The following LMO7 variants were observed in gnomAD, a reference collection of about 807,000 sequenced individuals.
LMO7 encodes the protein LIM domain 7.
Under a neutral mutation model 206.5 loss-of-function variants are expected in LMO7, and 120 were observed. The ratio of observed to expected loss-of-function variants is 0.58; its 90% CI spans 0.50 to 0.68. The LOEUF is 0.68. Among genes scored for constraint, LMO7 ranks in the 30% least tolerant of loss-of-function variants. LMO7 has a pLI of 0.00. For missense variants in LMO7, 1,959 were observed against 1,957.9 expected, an observed-to-expected ratio of 1.00 and a Z score of -0.01; for synonymous variants, 706 against 681.5, an observed-to-expected ratio of 1.04 and a Z score of -0.56.
At chr13:75,718,000 T>C (rs2043697871) in intron 2 of LMO7, among the ~76,000 whole-genome samples, 1 of 152,234 alleles carries the variant, frequency 6.6e-6, no homozygotes, top group African/African-American at 2.4e-5. Flanking sequence ...GTTTCCATGT[T>C]ATGTGATAGC....
intron 14 of LMO7, among the ~76,000 whole-genome samples, chr13:75,822,111 C>T (rs912598909): frequency 6.6e-6 from 1 of 152,060 alleles, no homozygotes; most frequent in Admixed American, 6.6e-5. Flanking sequence ...CTACTAGTGT[C>T]AGGATTTTGA....
intron 1 of LMO7, among the ~76,000 whole-genome samples, chr13:75,664,762 T>C (rs1243059616): frequency 6.6e-6 from 1 of 152,248 alleles, no homozygotes; most frequent in Admixed American, 6.5e-5. Context: ...TAGTTTTGTC[T>C]TGCGAGTTTG....
intron 3 of LMO7, among the ~76,000 whole-genome samples, chr13:75,728,341 T>C (rs752042919): frequency 2.0e-5 from 3 of 152,232 alleles, no homozygotes; most frequent in Non-Finnish European, 2.9e-5. Flanking sequence ...TGGTATCTCA[T>C]TGTGGTTTTG....
chr13:75,678,859 T>G (rs764650440), intron 1 of LMO7, among the ~76,000 whole-genome samples: 1 of 152,232 alleles, frequency 6.6e-6, no homozygotes, highest in African/African-American at 2.4e-5. Flanking sequence ...ATTTCTTTCT[T>G]GTCTTTCCAG....
intron 4 of LMO7, among the ~76,000 whole-genome samples, chr13:75,782,548 T>A (rs2051680594): frequency 6.6e-6 from 1 of 152,370 alleles, no homozygotes; most frequent in African/African-American, 2.4e-5. Flanking sequence ...CTGTTGCCGC[T>A]ATAACAAATG....
At chr13:75,727,231 T>TA in intron 3 of LMO7, 133 bp downstream of exon 3, 1 of 533,172 alleles carries the variant, frequency 1.9e-6, no homozygotes, top group Non-Finnish European at 3.4e-6. Context: ...CAAAGTGTGT[T>TA]TGGTGATGTC....
chr13:75,636,327 TC>T, upstream of LMO7: 3 of 1,145,280 alleles, frequency 2.6e-6, no homozygotes, highest in Non-Finnish European at 2.1e-6. Flanking sequence ...ACTTTTGAAG[TC>T]CAAACTGTCG....
At chr13:75,782,524 C>G (rs893887017) in intron 4 of LMO7, among the ~76,000 whole-genome samples, 2 of 152,160 alleles carry the variant, frequency 1.3e-5, no homozygotes, top group African/African-American at 4.8e-5. Flanking sequence ...CTGTATAGTA[C>G]TTGTGTTTAT....
chr13:75,804,256 A>G, intron 7 of LMO7, 33 bp from the exon 8 acceptor site: 1 of 1,597,820 alleles, frequency 6.3e-7, no homozygotes, highest in Non-Finnish European at 8.5e-7. Context: ...AATAATCTGG[A>G]GAGTAAAGCA....
chr13:75,855,926 A>G (rs1007387844), intron 29 of LMO7, among the ~76,000 whole-genome samples: 1 of 152,222 alleles, frequency 6.6e-6, no homozygotes, highest in African/African-American at 2.4e-5. Flanking sequence ...GGCCAGAGAA[A>G]GATTCTGGTT....
chr13:75,775,136 G>C (rs891231193), intron 4 of LMO7, among the ~76,000 whole-genome samples: 1 of 152,096 alleles, frequency 6.6e-6, no homozygotes, highest in Non-Finnish European at 1.5e-5. Context: ...ATATCATTAA[G>C]AGTTTTGATA....
At chr13:75,669,370 A>G (rs1594169763) in intron 1 of LMO7, among the ~76,000 whole-genome samples, 1 of 150,900 alleles carries the variant, frequency 6.6e-6, no homozygotes, top group South Asian at 2.1e-4. Context: ...CAGAAAAGTG[A>G]CCCCCCCGCC....
At chr13:75,817,371 G>A in intron 12 of LMO7, 93 bp downstream of exon 12, 2 of 755,198 alleles carry the variant, frequency 2.6e-6, no homozygotes, top group Non-Finnish European at 4.4e-6. Flanking sequence ...CATTTTCCTT[G>A]CTATTACAGA....
rs562888746 is a variant in LMO7, at chr13:75,837,066, C to T, written c.3394+609C>T. 2.0e-5 allele frequency among the ~76,000 whole-genome samples: 3 copies of T among 152,236 alleles called. 1 individual carries two copies. The South Asian group carries it at 6.2e-4, about 32-fold the overall frequency. On this transcript the variant is annotated intron_variant, in intron 19 of 30. Transcript: ENST00000377534. Reference sequence around the variant, plus strand: ...CCGGTCATGTAGGCAGGGGAAGAAACCCAAAGAAGACGAGACCTCTTCTGC... The same window carrying T: ...CCGGTCATGTAGGCAGGGGAAGAAATCCAAAGAAGACGAGACCTCTTCTGC...
rs368762007 is a variant in LMO7 at position 75,713,139 on chromosome 13, A to C, written c.70-43A>C. The C allele has an allele frequency of 7.7e-6, 11 of 1,427,914 alleles. No homozygotes were observed. In the Admixed American group the frequency reaches 2.0e-4, roughly 25 times the overall value. The allele number at this position is 1,427,914 out of a possible 1,614,324, so 88.5% of individuals were successfully genotyped here. A position where few individuals can be genotyped will look rare whatever the true frequency, so the allele number is the denominator to read the frequency against. On this transcript the variant is annotated intron_variant, in intron 1 of 30. Coordinates refer to ENST00000377534, the MANE Select transcript of LMO7 (RefSeq NM_001306080.2). The stretch of plus-strand genomic sequence containing the variant: ...TAATACTGAATTGGACTTGTGTGCT[A>C]TCCCTGCTTAAGAGAAAATTAACAA...
intron 15 of LMO7, among the ~76,000 whole-genome samples, chr13:75,832,734 G>T (rs1292093374): frequency 7.9e-5 from 12 of 152,106 alleles, no homozygotes; most frequent in Admixed American, 7.2e-4. Context: ...TAAATGGCCT[G>T]GCCTATAAGT....
At chr13:75,736,940 T>C (rs558551707) in intron 3 of LMO7, among the ~76,000 whole-genome samples, 30 of 152,284 alleles carry the variant, frequency 2.0e-4, no homozygotes, top group African/African-American at 7.0e-4. Context: ...AGATTTCCAT[T>C]GTGAAAAATA....
intron 2 of LMO7, among the ~76,000 whole-genome samples, chr13:75,714,828 G>A (rs908040749): frequency 4.5e-4 from 69 of 151,876 alleles, no homozygotes; most frequent in Non-Finnish European, 1.8e-4. Flanking sequence ...GGGAAACATT[G>A]CCTATTAGAA....
At chr13:75,622,479 T>A (rs745804088) in intron 1 of LMO7, among the ~76,000 whole-genome samples, 74 of 152,226 alleles carry the variant, frequency 4.9e-4, no homozygotes, top group Non-Finnish European at 1.0e-3. Context: ...TGAAAAGTCT[T>A]TTCTCATTCT....
Sources: allele counts gnomAD v4.1 joint callset (sites outside exome capture counted in the v4.1 genomes callset), GRCh38; gene constraint gnomAD v4.1.1; transcripts MANE v1.5; gene names NCBI Gene and HGNC (gene_info 2026-07-23, HGNC 2026-07-21).